CEP104: variants seen among roughly 807,000 people sequenced by gnomAD.
CEP104 encodes the protein centrosomal protein 104, also known as centrosomal protein of 104 kDa.
In CEP104, 84 loss-of-function variants were observed where a neutral mutation model predicts 113.3. The observed-to-expected ratio is 0.74, with a 90% CI of 0.62 to 0.89. CEP104 has a LOEUF of 0.89. Among genes scored for constraint, CEP104 ranks in the 40% least tolerant of loss-of-function variants. The pLI is 0.00. For synonymous variants in CEP104, 378 were observed against 421.7 expected (o/e 0.90, Z 1.27); for missense variants, 1,053 against 1,156.6 (o/e 0.91, Z 1.30).
rs145917811 is a variant in CEP104, at chr1:3,851,958, C to T, written c.113+337G>A. Among the ~76,000 whole-genome samples the T allele has an allele frequency of 6.1e-3, 922 of 152,322 alleles. 5 individuals carry two copies. Among genetic ancestry groups the T allele is most frequent in the African/African-American group, 0.021 (864 of 41,576 alleles). Reference sequence around the variant, plus strand: ...CTGTAAAAGCAAAAAAAGCTGCACTCACAATCTCTGCACAGAAACTTGATG... The same window carrying T: ...CTGTAAAAGCAAAAAAAGCTGCACTTACAATCTCTGCACAGAAACTTGATG... On this transcript the variant is annotated intron_variant, in intron 2 of 21. Coordinates refer to ENST00000378230, the MANE Select transcript of CEP104 (RefSeq NM_014704.4).
chr1:3,823,650 T>G lies in CEP104; in HGVS notation c.2365-88A>C. ...CTGCAGAGCCTGTGAGCGCCTCCCC[T>G]GCCCAGGGAGGTCTGTGCCGCCTGC... On this transcript the variant is annotated intron_variant, in intron 18 of 21. Transcript: ENST00000378230. This position sits in a 1 kb window ranked among gnomAD's most constrained non-coding sequence, Gnocchi z 4.1. 6.6e-7 allele frequency: 1 copy of G among 1,518,338 alleles called. No individual in the cohort carries two copies. The highest frequency in any genetic ancestry group is 9.1e-7 in the Non-Finnish European group (1 of 1,103,240). 94.1% of individuals were successfully genotyped at this position (1,518,338 alleles called of 1,614,324 possible).
intron 13 of CEP104, 60 bp from the exon 14 acceptor site, chr1:3,830,057 T>TAAAAAAAAAA: frequency 8.1e-7 from 1 of 1,240,038 alleles, no homozygotes; most frequent in Admixed American, 1.9e-5. Flanking sequence ...TCTTCCAGCT[T>TAAAAAAAAAA]ACAAAAAAGG....
intron 21 of CEP104, chr1:3,816,036 C>T (rs1643875172): frequency 2.2e-6 from 1 of 454,328 alleles, no homozygotes; most frequent in Non-Finnish European, 3.9e-6. Context: ...GAGTGTGAAT[C>T]CTAGGCCACC....
rs918007504 is a variant in CEP104 at position 3,836,575 on chromosome 1, T to G, written c.1237A>C (p.Met413Leu). 1.2e-5 allele frequency: 18 copies of G among 1,551,936 alleles called. No individual in the cohort carries two copies. The highest frequency in any genetic ancestry group is 7.3e-5 in the East Asian group (3 of 40,820). ...ADISDARRGG[M>L]LGEPEPLTEK... is the part of the protein sequence containing the mutation. ...GTTAAGGGCTCTGGCTCCCCTAACATGCCTCCCCTCCGAGCATCGCTGATG... is the reference window on the plus strand; with the variant it reads ...GTTAAGGGCTCTGGCTCCCCTAACAGGCCTCCCCTCCGAGCATCGCTGATG... The change falls in exon 10 of 22, where the codon ATG becomes CTG. Residue 413 changes from methionine to leucine, a missense_variant. Transcript: ENST00000378230.
chr1:3,824,361 C>G (rs1644042703), intron 18 of CEP104, among the ~76,000 whole-genome samples: 1 of 152,222 alleles, frequency 6.6e-6, no homozygotes. Context: ...GCTAGGATTA[C>G]AGGCGTGAGC....
At chr1:3,818,317 C>T (rs1643911113) in intron 20 of CEP104, among the ~76,000 whole-genome samples, 1 of 152,240 alleles carries the variant, frequency 6.6e-6, no homozygotes, top group Non-Finnish European at 1.5e-5. Context: ...CACATTTCCA[C>T]CTGCAGCCAC....
intron 12 of CEP104, among the ~76,000 whole-genome samples, chr1:3,831,786 T>A (rs989846742): frequency 6.6e-6 from 1 of 152,210 alleles, no homozygotes; most frequent in Admixed American, 6.5e-5. Context: ...AGATGTTGAA[T>A]CATTAAGTTA....
Position 3,837,126 on chromosome 1 carries a change from T to C in CEP104, c.1119+166A>G, listed in dbSNP as rs1557678824. 4.9e-6 allele frequency: 3 copies of C among 608,938 alleles called. No individual in the cohort carries two copies. The East Asian group carries it at 8.3e-5, about 17-fold the overall frequency. The allele number at this position is 608,938 out of a possible 1,614,324, so 37.7% of individuals were successfully genotyped here. A position where few individuals can be genotyped will look rare whatever the true frequency, so the allele number is the denominator to read the frequency against. The stretch of plus-strand genomic sequence containing the variant: ...AAGGTGTCATTAGGCCTATTCCTTA[T>C]GTGGCTATGCTCTCACTCAGCACTA... On this transcript the variant is annotated intron_variant, in intron 9 of 21. Transcript: ENST00000378230.
At chr1:3,828,874 A>G (rs139139777) in intron 15 of CEP104, among the ~76,000 whole-genome samples, 1 of 152,328 alleles carries the variant, frequency 6.6e-6, no homozygotes, top group African/African-American at 2.4e-5. Flanking sequence ...TCATAGAAAC[A>G]GAATGTTTAC....
chr1:3,827,742 T>C (rs12727043), intron 15 of CEP104, among the ~76,000 whole-genome samples: 46,341 of 152,178 alleles, frequency 0.3, 8,284 homozygotes, highest in African/African-American at 0.49. Context: ...CACCAGGCCC[T>C]GTGTGGGGCG....
chr1:3,816,530 T>A, intron 20 of CEP104, 160 bp from the exon 21 acceptor site: 1 of 596,266 alleles, frequency 1.7e-6, no homozygotes, highest in Non-Finnish European at 3.0e-6. Context: ...TCCCTTCGGA[T>A]ATGTTATGAT....
chr1:3,826,530 A>G, intron 16 of CEP104, 94 bp from the exon 17 acceptor site: 1 of 1,343,654 alleles, frequency 7.4e-7, no homozygotes, highest in Non-Finnish European at 1.1e-6. Flanking sequence ...ACGATTATAC[A>G]AGTAAAAAGG....
At chr1:3,821,547 G>T (rs887071811) in intron 20 of CEP104, among the ~76,000 whole-genome samples, 2 of 152,208 alleles carry the variant, frequency 1.3e-5, no homozygotes, top group African/African-American at 4.8e-5. Flanking sequence ...ACGAAGGAGG[G>T]ATGACAGAAT....
chr1:3,851,227 A>G (rs1165707002), intron 2 of CEP104, among the ~76,000 whole-genome samples: 1 of 151,822 alleles, frequency 6.6e-6, no homozygotes, highest in Non-Finnish European at 1.5e-5. Context: ...CTCTTGCTTC[A>G]TTTCTCAGTT....
chr1:3,816,442 G>A (rs1398401479), intron 20 of CEP104, 72 bp from the exon 21 acceptor site: 1 of 1,273,790 alleles, frequency 7.9e-7, no homozygotes, highest in Non-Finnish European at 1.1e-6. Context: ...GACCCAAAAG[G>A]ACTCGCTGTG....
intron 20 of CEP104, among the ~76,000 whole-genome samples, chr1:3,822,298 G>A (rs1306602446): frequency 1.3e-5 from 2 of 152,224 alleles, no homozygotes; most frequent in African/African-American, 4.8e-5. Context: ...AGACACCAGC[G>A]CTGAGAGCGG....
chr1:3,816,449 T>C lies in CEP104; in HGVS notation c.2572-79A>G, dbSNP rs1225101703. On this transcript the variant is annotated intron_variant, in intron 20 of 21. Coordinates refer to ENST00000378230, the MANE Select transcript of CEP104 (RefSeq NM_014704.4). ...CTACCTGAGACCCAAAAGGACTCGC[T>C]GTGTAAGCTGAAAACGAGGGCGGCC... 5.7e-6 allele frequency: 7 copies of C among 1,220,552 alleles called. No individual in the cohort carries two copies. In the African/African-American group the frequency reaches 9.2e-5, roughly 16 times the overall value. 75.6% of individuals were successfully genotyped at this position (1,220,552 alleles called of 1,614,324 possible).
intron 20 of CEP104, among the ~76,000 whole-genome samples, chr1:3,818,584 C>T (rs1643915088): frequency 6.6e-6 from 1 of 152,198 alleles, no homozygotes; most frequent in Non-Finnish European, 1.5e-5. Context: ...ATAGGGCCCG[C>T]CAGGCCATGC....
At chr1:3,852,868 G>A (rs193257921) in intron 1 of CEP104, among the ~76,000 whole-genome samples, 3 of 152,178 alleles carry the variant, frequency 2.0e-5, no homozygotes, top group Middle Eastern at 3.4e-3. Context: ...GGTGACAGAG[G>A]CAGAGACCGG....
Sources: allele counts gnomAD v4.1 joint callset (sites outside exome capture counted in the v4.1 genomes callset), GRCh38; gene constraint gnomAD v4.1.1; non-coding constraint Gnocchi (gnomAD v3.1); transcripts MANE v1.5; gene names NCBI Gene and HGNC (gene_info 2026-07-23, HGNC 2026-07-21).